Variants in RGS6 observed in about 807,000 individuals in gnomAD.
The protein encoded by RGS6 is regulator of G-protein signaling 6.
RGS6 carries 30 observed loss-of-function variants against 78.5 expected under a neutral mutation model. The ratio of observed to expected loss-of-function variants is 0.38; its 90% CI spans 0.29 to 0.52. RGS6 has a LOEUF of 0.52. Among genes scored for constraint, RGS6 ranks in the 20% least tolerant of loss-of-function variants. The pLI, the probability that RGS6 is intolerant of heterozygous loss-of-function variation, is 0.85. For missense variants in RGS6, 495 were observed against 609.7 expected, an observed-to-expected ratio of 0.81 and a Z score of 1.98; for synonymous variants, 206 against 206.0, an observed-to-expected ratio of 1.00 and a Z score of 0.00.
At chr14:72,346,069 G>T in intron 2 of RGS6, among the ~76,000 whole-genome samples, 1 of 152,178 alleles carries the variant, frequency 6.6e-6, no homozygotes, top group East Asian at 1.9e-4. Flanking sequence ...TGACGTGACA[G>T]TCATTAGTAG....
chr14:72,285,015 G>T (rs1429457797), intron 2 of RGS6, among the ~76,000 whole-genome samples: 14 of 152,182 alleles, frequency 9.2e-5, no homozygotes, highest in Non-Finnish European at 5.9e-5. Flanking sequence ...TTTGGGATGG[G>T]TATATCTATC....
chr14:72,334,145 C>T (rs778415487), intron 2 of RGS6, among the ~76,000 whole-genome samples: 2 of 152,204 alleles, frequency 1.3e-5, no homozygotes, highest in African/African-American at 4.8e-5. Context: ...AAAGAGGCCC[C>T]GTGGGAACGG....
chr14:72,081,478 T>C (rs1374301552), intron 2 of RGS6, among the ~76,000 whole-genome samples: 5 of 152,146 alleles, frequency 3.3e-5, no homozygotes, highest in Non-Finnish European at 7.4e-5. Context: ...TCCTCAAATA[T>C]GTATTTCTGC....
intron 2 of RGS6, among the ~76,000 whole-genome samples, chr14:72,326,441 G>C (rs999040607): frequency 2.0e-5 from 3 of 152,000 alleles, no homozygotes; most frequent in Admixed American, 6.6e-5. Flanking sequence ...GGTCATGGGG[G>C]CAGACCCCTT....
chr14:72,543,448 A>C (rs1463679143), intron 17 of RGS6, among the ~76,000 whole-genome samples: 2 of 152,198 alleles, frequency 1.3e-5, no homozygotes, highest in Non-Finnish European at 1.5e-5. Flanking sequence ...TCTCTGCCTA[A>C]TCCTGCTCAT....
At chr14:72,102,303 C>A (rs1462138377) in intron 2 of RGS6, among the ~76,000 whole-genome samples, 1 of 151,930 alleles carries the variant, frequency 6.6e-6, no homozygotes, top group East Asian at 1.9e-4. Flanking sequence ...TTCTGCTTTA[C>A]CAAAATACAT....
intron 2 of RGS6, among the ~76,000 whole-genome samples, chr14:72,256,453 C>G (rs1454095647): frequency 6.6e-6 from 1 of 152,202 alleles, no homozygotes; most frequent in East Asian, 1.9e-4. Flanking sequence ...CATGTGACCT[C>G]TGGCTAGATG....
At position 72,454,709 on chromosome 14, in the gene RGS6, C is replaced by G. The variant is rs2302144; in HGVS notation, c.235+131C>G. 38,703 of 643,506 alleles carry G rather than the reference C, an allele frequency of 0.06. 3,489 individuals are homozygous for G. Among genetic ancestry groups the G allele is most frequent in the African/African-American group, 0.29 (15,893 of 54,112 alleles). The allele number at this position is 643,506 out of a possible 1,614,324, so 39.9% of individuals were successfully genotyped here. On this transcript the variant is annotated intron_variant, in intron 4 of 17. Transcript: ENST00000553525. ...ATGTGAATTCCAAGACGTGGAATCA[C>G]TCTATTTACAAATAAAATTAATTTA...
chr14:72,080,317 CAT>C (rs1461650431), intron 2 of RGS6, among the ~76,000 whole-genome samples: 2 of 151,896 alleles, frequency 1.3e-5, no homozygotes, highest in South Asian at 2.1e-4. Context: ...GTTGGCCATT[CAT>C]ATGTCTTCTT....
chr14:72,545,106 G>A (rs1198993295), intron 17 of RGS6, among the ~76,000 whole-genome samples: 3 of 152,254 alleles, frequency 2.0e-5, no homozygotes, highest in African/African-American at 7.2e-5. Context: ...CAGTTGAAAT[G>A]ATCTTTCTGT....
the RGS6 span, among the ~76,000 whole-genome samples, chr14:71,916,886 T>G: frequency 6.6e-6 from 1 of 152,188 alleles, no homozygotes; most frequent in Non-Finnish European, 1.5e-5. Flanking sequence ...GGATATGAAT[T>G]TCAAGGAGCT....
chr14:72,042,132 T>TTTC (rs1426874078), intron 2 of RGS6, among the ~76,000 whole-genome samples: 178 of 116,358 alleles, frequency 1.5e-3, no homozygotes, highest in Non-Finnish European at 3.0e-3. Context: ...TCTTTTTCTT[T>TTTC]TTTTTTTTTT....
chr14:72,542,171 T>G (rs2153514024), intron 17 of RGS6, among the ~76,000 whole-genome samples: 1 of 152,276 alleles, frequency 6.6e-6, no homozygotes, highest in Non-Finnish European at 1.5e-5. Flanking sequence ...GGTGATGCAT[T>G]CAGAATTTGG....
chr14:72,616,321 A>G, the RGS6 span, among the ~76,000 whole-genome samples: 1 of 152,092 alleles, frequency 6.6e-6, no homozygotes, highest in South Asian at 2.1e-4. Flanking sequence ...AACTGCATTA[A>G]TCTTATAGAA....
At chr14:72,159,880 C>T (rs531281347) in intron 2 of RGS6, among the ~76,000 whole-genome samples, 9 of 152,320 alleles carry the variant, frequency 5.9e-5, no homozygotes, top group East Asian at 3.9e-4. Context: ...AACATGACTA[C>T]GTCTTGCCAA....
At chr14:72,279,102 G>A (rs986857915) in intron 2 of RGS6, among the ~76,000 whole-genome samples, 11 of 151,954 alleles carry the variant, frequency 7.2e-5, no homozygotes, top group Admixed American at 3.9e-4. Context: ...TGGGATTGGG[G>A]CTTTAACATA....
the RGS6 span, among the ~76,000 whole-genome samples, chr14:72,615,478 A>G: frequency 6.6e-6 from 1 of 152,248 alleles, no homozygotes; most frequent in East Asian, 1.9e-4. Context: ...CACGAATACA[A>G]AAATGCACCA....
intron 2 of RGS6, among the ~76,000 whole-genome samples, chr14:72,052,721 C>G (rs2093325300): frequency 6.6e-6 from 1 of 152,124 alleles, no homozygotes; most frequent in African/African-American, 2.4e-5. Context: ...TGGTCCATCT[C>G]TATACTTTTC....
intron 12 of RGS6, among the ~76,000 whole-genome samples, chr14:72,482,163 A>T (rs1322300061): frequency 1.3e-5 from 2 of 152,188 alleles, no homozygotes; most frequent in African/African-American, 4.8e-5. Context: ...CATCCACTTT[A>T]CTTCCTAATA....
Sources: allele counts gnomAD v4.1 joint callset (sites outside exome capture counted in the v4.1 genomes callset), GRCh38; gene constraint gnomAD v4.1.1; transcripts MANE v1.5; gene names NCBI Gene and HGNC (gene_info 2026-07-23, HGNC 2026-07-21).